TRIM5: variants seen among roughly 807,000 people sequenced by gnomAD.
TRIM5 encodes the protein tripartite motif containing 5.
Under a neutral mutation model 35.6 loss-of-function variants are expected in TRIM5, and 31 were observed. That is an observed-to-expected ratio of 0.87 (90% CI 0.65 to 1.18). TRIM5 has a LOEUF of 1.18. Ranked by LOEUF, TRIM5 falls within the 50% of genes most tolerant of loss-of-function variation. The pLI is 0.00. For missense variants in TRIM5, 609 were observed against 591.6 expected, an observed-to-expected ratio of 1.03 and a Z score of -0.31; for synonymous variants, 243 against 215.6, an observed-to-expected ratio of 1.13 and a Z score of -1.11.
At position 5,682,467 on chromosome 11, in the gene TRIM5, ACCAGGGAAGC is replaced by A. The variant is rs538940174; in HGVS notation, c.-61-2239_-61-2230del. On this transcript the variant is annotated intron_variant, in intron 1 of 7. Coordinates refer to ENST00000380034, the MANE Select transcript of TRIM5 (RefSeq NM_033034.3). ...CTAGTAGAGGCAAACAGATGCTGTCACCAGGGAAGCCCTGATGAAATGACTGGGAAAGTTA... is the reference window on the plus strand; with the variant it reads ...CTAGTAGAGGCAAACAGATGCTGTCACCTGATGAAATGACTGGGAAAGTTA... Among the ~76,000 whole-genome samples, 45 of 152,250 alleles carry A rather than the reference ACCAGGGAAGC, an allele frequency of 3.0e-4. No individual in the cohort carries two copies. In the Middle Eastern group the frequency reaches 0.01, roughly 35 times the overall value.
At chr11:5,596,977 G>GA in the TRIM5 span, 8 of 1,613,262 alleles carry the variant, frequency 5.0e-6, no homozygotes, top group Non-Finnish European at 6.8e-6. Context: ...ACAGGGCAGT[G>GA]AAAGAGATAA....
the TRIM5 span, among the ~76,000 whole-genome samples, chr11:5,597,807 C>T: frequency 6.6e-6 from 1 of 152,140 alleles, no homozygotes; most frequent in African/African-American, 2.4e-5. Context: ...TTCTCTGTCC[C>T]CCTCCCTCTT....
chr11:5,593,855 C>A, the TRIM5 span, among the ~76,000 whole-genome samples: 1 of 152,186 alleles, frequency 6.6e-6, no homozygotes, highest in Non-Finnish European at 1.5e-5. Context: ...TCTTTACCTT[C>A]AAACCTGTCC....
the TRIM5 span, among the ~76,000 whole-genome samples, chr11:5,646,442 T>G: frequency 2.0e-5 from 3 of 152,132 alleles, no homozygotes; most frequent in African/African-American, 7.2e-5. Context: ...CCATCCTCCC[T>G]TATCTCTTCC....
the TRIM5 span, among the ~76,000 whole-genome samples, chr11:5,600,085 A>G: frequency 2.0e-5 from 3 of 152,212 alleles, no homozygotes; most frequent in African/African-American, 7.2e-5. Flanking sequence ...TGTAACACCA[A>G]TTAGTACTAC....
chr11:5,623,236 C>A, the TRIM5 span, among the ~76,000 whole-genome samples: 1 of 149,546 alleles, frequency 6.7e-6, no homozygotes, highest in East Asian at 2.0e-4. Flanking sequence ...CCGAGATTTT[C>A]TTCCCTTTTA....
chr11:5,639,679 CAAAA>C, the TRIM5 span, among the ~76,000 whole-genome samples: 3 of 51,130 alleles, frequency 5.9e-5, no homozygotes, highest in East Asian at 7.0e-4. Context: ...GACTCTATTT[CAAAA>C]AAAAAAAAAA....
At chr11:5,640,489 C>T in the TRIM5 span, among the ~76,000 whole-genome samples, 1 of 150,764 alleles carries the variant, frequency 6.6e-6, no homozygotes, top group Non-Finnish European at 1.5e-5. Context: ...ATAAATTCTA[C>T]TTGGCCATCA....
chr11:5,646,151 C>T, the TRIM5 span, among the ~76,000 whole-genome samples: 1 of 150,696 alleles, frequency 6.6e-6, no homozygotes, highest in Non-Finnish European at 1.5e-5. Flanking sequence ...CCAAATACAC[C>T]AACCACCCTC....
the TRIM5 span, among the ~76,000 whole-genome samples, chr11:5,626,372 G>A: frequency 3.8e-4 from 58 of 152,310 alleles, 1 homozygote; most frequent in East Asian, 0.011. Context: ...TCTTCAAGAA[G>A]TTACATTAGG....
chr11:5,610,842 G>A, the TRIM5 span: 2 of 1,614,240 alleles, frequency 1.2e-6, no homozygotes, highest in South Asian at 1.1e-5. Context: ...CCGGAGACAA[G>A]TGAGGTTTGT....
At chr11:5,652,852 C>CTT in the TRIM5 span, among the ~76,000 whole-genome samples, 197 of 143,672 alleles carry the variant, frequency 1.4e-3, no homozygotes, top group African/African-American at 4.6e-3. Context: ...TTTTCTTTTT[C>CTT]TTTTTTTTTT....
chr11:5,627,198 A>G, the TRIM5 span, among the ~76,000 whole-genome samples: 1 of 152,060 alleles, frequency 6.6e-6, no homozygotes, highest in East Asian at 1.9e-4. Flanking sequence ...CCTGGCCAAC[A>G]TGGTGAAACT....
chr11:5,648,991 T>C, the TRIM5 span, among the ~76,000 whole-genome samples: 2 of 152,180 alleles, frequency 1.3e-5, no homozygotes, highest in Admixed American at 6.6e-5. Flanking sequence ...TAAACCAGTA[T>C]AGGTGTTTGC....
At chr11:5,629,999 C>T in the TRIM5 span, among the ~76,000 whole-genome samples, 1 of 152,180 alleles carries the variant, frequency 6.6e-6, no homozygotes, top group African/African-American at 2.4e-5. Flanking sequence ...AGCCACCGCG[C>T]CCGGCCTCAG....
the TRIM5 span, chr11:5,655,563 T>G: frequency 7.2e-6 from 6 of 834,138 alleles, no homozygotes; most frequent in Non-Finnish European, 8.7e-6. Context: ...ATTATTTCAG[T>G]AAGAAACATT....
the TRIM5 span, among the ~76,000 whole-genome samples, chr11:5,593,158 A>C: frequency 1.3e-5 from 2 of 152,210 alleles, no homozygotes; most frequent in Non-Finnish European, 1.5e-5. Context: ...GTTTTACTGA[A>C]GTTCTTCCTG....
the TRIM5 span, chr11:5,634,937 G>T: frequency 6.7e-7 from 1 of 1,495,360 alleles, no homozygotes; most frequent in Non-Finnish European, 9.0e-7. Context: ...TCCTGGTGGT[G>T]ACACTAAGGG....
intron 3 of TRIM5, 49 bp downstream of exon 3, chr11:5,679,025 G>C (rs760410651): frequency 1.3e-6 from 2 of 1,497,808 alleles, no homozygotes; most frequent in Non-Finnish European, 1.9e-6. Flanking sequence ...CCTTCCCCTG[G>C]TCCTGCCCAG....
Sources: allele counts gnomAD v4.1 joint callset (sites outside exome capture counted in the v4.1 genomes callset), GRCh38; gene constraint gnomAD v4.1.1; transcripts MANE v1.5; gene names NCBI Gene and HGNC (gene_info 2026-07-23, HGNC 2026-07-21).